FMN2: variants seen among roughly 807,000 people sequenced by gnomAD.
The protein encoded by FMN2 is formin-2.
A neutral mutation model predicts 142.3 loss-of-function variants in FMN2; 51 were observed. That is an observed-to-expected ratio of 0.36 (90% CI 0.29 to 0.45). FMN2 has a LOEUF of 0.45. Among genes scored for constraint, FMN2 ranks in the 20% least tolerant of loss-of-function variants. The pLI is 1.00. For synonymous variants in FMN2, 882 were observed against 869.8 expected (o/e 1.01, Z -0.25); for missense variants, 1,936 against 2,122.8 (o/e 0.91, Z 1.73).
At chr1:240,180,115 C>G (rs1265224053) in intron 3 of FMN2, 1 of 1,168,868 alleles carries the variant, frequency 8.6e-7, no homozygotes, top group Non-Finnish European at 1.1e-6. Flanking sequence ...AATGCTAGAG[C>G]AAGTGATTTT....
At position 240,241,533 on chromosome 1, in the gene FMN2, C is replaced by CCT. The variant is rs1166082193; in HGVS notation, c.4066-16407_4066-16406dup. Among the ~76,000 whole-genome samples the CCT allele has an allele frequency of 2.0e-5, 3 of 152,128 alleles. No individual in the cohort carries two copies. In the East Asian group the frequency reaches 5.8e-4, roughly 29 times the overall value. On this transcript the variant is annotated intron_variant, in intron 6 of 17. Coordinates refer to ENST00000319653, the MANE Select transcript of FMN2 (RefSeq NM_020066.5). ...TTAGCTGACAGGAAATCCCAGCCTG[C>CCT]CTCTCTGGCTTTGGTCTTTCAGCCA... is the stretch of plus-strand genomic sequence containing the variant.
At chr1:240,244,091 A>G (rs1413637679) in intron 6 of FMN2, among the ~76,000 whole-genome samples, 2 of 152,194 alleles carry the variant, frequency 1.3e-5, no homozygotes, top group Admixed American at 1.3e-4. Context: ...TCGTTGAGTA[A>G]TCTTATCTTT....
intron 16 of FMN2, chr1:240,458,282 A>G (rs906086950): frequency 3.3e-5 from 5 of 152,150 alleles, no homozygotes; most frequent in East Asian, 3.8e-4. Context: ...CCTGACTTGT[A>G]TCTCCCACAT....
At chr1:240,466,518 A>G (rs1676623693) in intron 16 of FMN2, among the ~76,000 whole-genome samples, 1 of 152,242 alleles carries the variant, frequency 6.6e-6, no homozygotes, top group South Asian at 2.1e-4. Flanking sequence ...CCCAAGACCT[A>G]GAAAACAGCT....
At chr1:240,453,343 A>G (rs12096289) in intron 16 of FMN2, among the ~76,000 whole-genome samples, 4,534 of 152,230 alleles carry the variant, frequency 0.03, 222 homozygotes, top group African/African-American at 0.1. Flanking sequence ...AGCATTACCA[A>G]TGATAAGCCC....
chr1:240,365,230 T>C (rs868694079), intron 14 of FMN2, among the ~76,000 whole-genome samples: 2 of 47,514 alleles, frequency 4.2e-5, no homozygotes, highest in South Asian at 4.7e-4. Flanking sequence ...CAGACACACA[T>C]ATATATACAC....
intron 16 of FMN2, among the ~76,000 whole-genome samples, chr1:240,440,900 A>C (rs941775250): frequency 6.7e-6 from 1 of 148,398 alleles, no homozygotes; most frequent in Non-Finnish European, 1.5e-5. Context: ...CAAGACAGCA[A>C]AGCATTAAAG....
chr1:240,314,608 CT>C (rs1305706128), intron 8 of FMN2, among the ~76,000 whole-genome samples: 1 of 152,196 alleles, frequency 6.6e-6, no homozygotes, highest in Non-Finnish European at 1.5e-5. Flanking sequence ...TTTTGGAATA[CT>C]TTCATGTTCG....
chr1:240,372,204 C>G (rs1672891975), intron 14 of FMN2, among the ~76,000 whole-genome samples: 1 of 152,160 alleles, frequency 6.6e-6, no homozygotes, highest in African/African-American at 2.4e-5. Context: ...TCATTGCACT[C>G]TAGCCTGGGC....
rs562588801 is a variant in FMN2 at position 240,460,623 on chromosome 1, A to G, written c.5061-11749A>G. ...CGATTGTAAGTGAATAGAAACATAA[A>G]TAAATAAAATACATGTAAATGAATA... On this transcript the variant is annotated intron_variant, in intron 16 of 17. Coordinates refer to ENST00000319653, the MANE Select transcript of FMN2 (RefSeq NM_020066.5). Among the ~76,000 whole-genome samples the G allele has an allele frequency of 2.0e-5, 3 of 152,152 alleles. No individual in the cohort carries two copies. In the South Asian group the frequency reaches 6.2e-4, roughly 32 times the overall value.
chr1:240,431,402 T>TATA lies in FMN2; in HGVS notation c.4911-6659_4911-6658insATA, dbSNP rs1675166393. ...TGTTTTCTGGGTATACAACCATGTT[T>TATA]TATATATATATATATATATATACAT... On this transcript the variant is annotated intron_variant, in intron 15 of 17. Transcript: ENST00000319653. Among the ~76,000 whole-genome samples the TATA allele has an allele frequency of 1.6e-4, 22 of 139,202 alleles. 1 individual carries two copies. The highest frequency in any genetic ancestry group is 6.0e-4 in the African/African-American group (22 of 36,506). 91.3% of individuals were successfully genotyped at this position (139,202 alleles called of 152,430 possible). A position where few individuals can be genotyped will look rare whatever the true frequency, so the allele number is the denominator to read the frequency against.
intron 4 of FMN2, among the ~76,000 whole-genome samples, chr1:240,205,367 C>G (rs1198891301): frequency 6.6e-6 from 1 of 151,282 alleles, no homozygotes; most frequent in African/African-American, 2.4e-5. Context: ...GTTTGTTTGT[C>G]TTCCTTTCTC....
chr1:240,416,393 T>G (rs1219589448), intron 15 of FMN2, among the ~76,000 whole-genome samples: 1 of 151,670 alleles, frequency 6.6e-6, no homozygotes, highest in African/African-American at 2.4e-5. Flanking sequence ...CCCAAGTAAC[T>G]GGGACTACAG....
chr1:240,174,596 G>A (rs1664840465), intron 2 of FMN2, among the ~76,000 whole-genome samples: 1 of 152,078 alleles, frequency 6.6e-6, no homozygotes, highest in African/African-American at 2.4e-5. Context: ...GAGCTCCTGG[G>A]CTCAAGCAAT....
intron 13 of FMN2, among the ~76,000 whole-genome samples, chr1:240,338,901 G>A (rs1572209072): frequency 6.6e-6 from 1 of 152,180 alleles, no homozygotes; most frequent in South Asian, 2.1e-4. Context: ...CAACTAGAGA[G>A]TCCCATCTGG....
intron 8 of FMN2, among the ~76,000 whole-genome samples, chr1:240,326,795 C>G (rs1350416000): frequency 6.6e-6 from 1 of 151,886 alleles, no homozygotes; most frequent in Non-Finnish European, 1.5e-5. Context: ...CTGGTAGAAA[C>G]TCTTTCCTTT....
At chr1:240,317,378 TA>T (rs1216207910) in intron 8 of FMN2, among the ~76,000 whole-genome samples, 7 of 152,132 alleles carry the variant, frequency 4.6e-5, no homozygotes, top group African/African-American at 1.7e-4. Context: ...TCCCTTGTGC[TA>T]CCCCCTTGTA....
At chr1:240,184,278 C>G (rs543194306) in intron 3 of FMN2, among the ~76,000 whole-genome samples, 3 of 126,778 alleles carry the variant, frequency 2.4e-5, no homozygotes, top group Non-Finnish European at 3.2e-5. Flanking sequence ...GCTCTGTCGC[C>G]CAGGCTGGAG....
At chr1:240,459,819 G>A (rs1410269415) in intron 16 of FMN2, among the ~76,000 whole-genome samples, 1 of 144,908 alleles carries the variant, frequency 6.9e-6, no homozygotes, top group African/African-American at 2.5e-5. Flanking sequence ...CCTCATATGA[G>A]ATTAGATCAC....
Sources: allele counts gnomAD v4.1 joint callset (sites outside exome capture counted in the v4.1 genomes callset), GRCh38; gene constraint gnomAD v4.1.1; transcripts MANE v1.5; gene names NCBI Gene and HGNC (gene_info 2026-07-23, HGNC 2026-07-21).